Variants in DIAPH3 observed in about 807,000 individuals in gnomAD.
DIAPH3 encodes diaphanous related formin 3.
Under a neutral mutation model 144.3 loss-of-function variants are expected in DIAPH3, and 117 were observed. The ratio of observed to expected loss-of-function variants is 0.81; its 90% CI spans 0.70 to 0.95. The LOEUF (loss-of-function observed/expected upper bound fraction) is 0.95. DIAPH3 is among the 40% of genes least tolerant of loss of function. DIAPH3 has a pLI of 0.00. For synonymous variants in DIAPH3, 519 were observed against 488.9 expected (o/e 1.06, Z -0.81); for missense variants, 1,421 against 1,412.7 (o/e 1.01, Z -0.09).
chr13:59,840,075 A>G (rs1430476593), intron 22 of DIAPH3, among the ~76,000 whole-genome samples: 1 of 152,168 alleles, frequency 6.6e-6, no homozygotes, highest in Non-Finnish European at 1.5e-5. Flanking sequence ...CTGTGTCACT[A>G]TGAGAATATA....
chr13:60,087,553 T>A lies in DIAPH3; in HGVS notation c.495+6075A>T, dbSNP rs533664790. On this transcript the variant is annotated intron_variant, in intron 4 of 27. Coordinates refer to ENST00000400324, the MANE Select transcript of DIAPH3 (RefSeq NM_001042517.2). ...GTCTTTATGCCTCGTAAAGTTATGA[T>A]CATTAATACTTGATATTTAACTTTC... Among the ~76,000 whole-genome samples, 65 of 152,184 alleles carry A rather than the reference T, an allele frequency of 4.3e-4. 1 individual carries two copies. The highest frequency in any genetic ancestry group is 7.5e-4 in the Non-Finnish European group (51 of 68,038).
At chr13:60,051,699 A>G (rs1019751614) in intron 4 of DIAPH3, among the ~76,000 whole-genome samples, 2 of 152,156 alleles carry the variant, frequency 1.3e-5, no homozygotes, top group African/African-American at 4.8e-5. Context: ...CTGACCTTAT[A>G]CAGCTGCAAG....
intron 4 of DIAPH3, among the ~76,000 whole-genome samples, chr13:60,048,454 G>A (rs959940602): frequency 9.2e-5 from 14 of 152,196 alleles, no homozygotes; most frequent in Non-Finnish European, 1.8e-4. Flanking sequence ...ACATGTTCAA[G>A]ATCACCTGTC....
At chr13:59,910,573 C>CA (rs1482705869) in intron 20 of DIAPH3, among the ~76,000 whole-genome samples, 3 of 151,306 alleles carry the variant, frequency 2.0e-5, no homozygotes, top group South Asian at 2.1e-4. Context: ...ATTAAAAATA[C>CA]AAAAAAATAG....
chr13:60,001,865 T>C (rs370100828), intron 9 of DIAPH3, among the ~76,000 whole-genome samples: 3 of 152,188 alleles, frequency 2.0e-5, no homozygotes, highest in African/African-American at 7.2e-5. Flanking sequence ...TGACTTACTA[T>C]GTGTACTCTG....
chr13:59,891,206 T>C (rs1198469594), intron 20 of DIAPH3, among the ~76,000 whole-genome samples: 1 of 152,062 alleles, frequency 6.6e-6, no homozygotes, highest in African/African-American at 2.4e-5. Flanking sequence ...CTTAAAACAA[T>C]GTTGTTTGCA....
At chr13:59,880,282 T>C (rs1163662069) in intron 20 of DIAPH3, among the ~76,000 whole-genome samples, 1 of 152,144 alleles carries the variant, frequency 6.6e-6, no homozygotes, top group African/African-American at 2.4e-5. Flanking sequence ...ATACCACATA[T>C]GAAGCTAGAT....
intron 27 of DIAPH3, among the ~76,000 whole-genome samples, chr13:59,674,476 T>C (rs2032538560): frequency 1.3e-5 from 2 of 152,214 alleles, no homozygotes; most frequent in Non-Finnish European, 2.9e-5. Flanking sequence ...TTAAACCTTC[T>C]TTGGTAATTT....
At chr13:59,768,449 T>C (rs1164137870) in intron 27 of DIAPH3, among the ~76,000 whole-genome samples, 1 of 152,164 alleles carries the variant, frequency 6.6e-6, no homozygotes, top group Non-Finnish European at 1.5e-5. Context: ...CAAAGAAGAC[T>C]TAAGGCAGTT....
chr13:59,840,143 A>T (rs2042259571), intron 22 of DIAPH3, among the ~76,000 whole-genome samples: 1 of 152,180 alleles, frequency 6.6e-6, no homozygotes, highest in African/African-American at 2.4e-5. Context: ...TTCATAGTCA[A>T]TTTTATATGA....
intron 27 of DIAPH3, among the ~76,000 whole-genome samples, chr13:59,769,328 G>T (rs982237783): frequency 6.6e-6 from 1 of 152,128 alleles, no homozygotes; most frequent in Admixed American, 6.6e-5. Flanking sequence ...TTCAACCTTC[G>T]TTGTATAGGC....
At chr13:59,683,795 T>C (rs1230838425) in intron 27 of DIAPH3, among the ~76,000 whole-genome samples, 1 of 152,210 alleles carries the variant, frequency 6.6e-6, no homozygotes, top group Non-Finnish European at 1.5e-5. Context: ...GTCAATGCTA[T>C]ACTAAAGAGG....
chr13:59,744,169 C>G (rs2036597090), intron 27 of DIAPH3, among the ~76,000 whole-genome samples: 1 of 152,084 alleles, frequency 6.6e-6, no homozygotes, highest in Non-Finnish European at 1.5e-5. Context: ...ATAATAACCA[C>G]CACCAAAAAT....
At chr13:59,999,286 A>T (rs540251000) in intron 9 of DIAPH3, among the ~76,000 whole-genome samples, 1 of 152,300 alleles carries the variant, frequency 6.6e-6, no homozygotes, top group Non-Finnish European at 1.5e-5. Context: ...TACTTTAATG[A>T]AACTATTTAT....
intron 5 of DIAPH3, among the ~76,000 whole-genome samples, chr13:60,030,982 T>C (rs763574856): frequency 2.0e-5 from 3 of 152,152 alleles, no homozygotes; most frequent in Non-Finnish European, 4.4e-5. Flanking sequence ...TAACATTCTT[T>C]TGGGTGTTTC....
At chr13:60,023,735 A>G (rs1376505729) in intron 5 of DIAPH3, among the ~76,000 whole-genome samples, 2 of 150,596 alleles carry the variant, frequency 1.3e-5, no homozygotes, top group Non-Finnish European at 3.0e-5. Context: ...TGCCCAGCCT[A>G]GTTCTCAGGA....
In DIAPH3 at chr13:59,991,151, C is replaced by G. The variant is rs1483814929; in HGVS notation, c.1361+7G>C. On this transcript the variant is annotated splice_region_variant and intron_variant, in intron 12 of 27. Coordinates refer to ENST00000400324, the MANE Select transcript of DIAPH3 (RefSeq NM_001042517.2). ...AAAGAAAACATTAGAATACAACTTCCTCTTACCTTATAAAATAATCATTTC... is the reference window on the plus strand; with the variant it reads ...AAAGAAAACATTAGAATACAACTTCGTCTTACCTTATAAAATAATCATTTC... The G allele has an allele frequency of 2.0e-6, 3 of 1,529,880 alleles. No homozygotes were observed. Among genetic ancestry groups the G allele is most frequent in the Non-Finnish European group, 2.7e-6 (3 of 1,106,936 alleles). The allele number at this position is 1,529,880 out of a possible 1,614,324, so 94.8% of individuals were successfully genotyped here.
chr13:59,925,628 G>C (rs1343063584), intron 17 of DIAPH3, among the ~76,000 whole-genome samples: 1 of 152,104 alleles, frequency 6.6e-6, no homozygotes, highest in African/African-American at 2.4e-5. Context: ...AAAGGAATTG[G>C]TGTTAGTTCT....
intron 27 of DIAPH3, among the ~76,000 whole-genome samples, chr13:59,670,963 T>G (rs1168544403): frequency 6.6e-6 from 1 of 152,198 alleles, no homozygotes; most frequent in Non-Finnish European, 1.5e-5. Flanking sequence ...CACAAAGTGC[T>G]GGGATTACAG....
Sources: allele counts gnomAD v4.1 joint callset (sites outside exome capture counted in the v4.1 genomes callset), GRCh38; gene constraint gnomAD v4.1.1; transcripts MANE v1.5; gene names NCBI Gene and HGNC (gene_info 2026-07-23, HGNC 2026-07-21).